ATP8B4: variants seen among roughly 807,000 people sequenced by gnomAD.
The protein encoded by ATP8B4 is ATPase phospholipid transporting 8B4 (putative).
In ATP8B4, 133 loss-of-function variants were observed where a neutral mutation model predicts 145.6. The ratio of observed to expected loss-of-function variants is 0.91; its 90% CI spans 0.79 to 1.05. The LOEUF (loss-of-function observed/expected upper bound fraction) is 1.05. Ranked by LOEUF, ATP8B4 falls within the 50% of genes least tolerant of loss-of-function variation. The pLI is 0.00. For missense variants in ATP8B4, 1,458 were observed against 1,425.2 expected (o/e 1.02, Z -0.37); for synonymous variants, 507 against 492.9 (o/e 1.03, Z -0.38).
At chr15:49,931,406 G>T in intron 15 of ATP8B4, 99 bp from the exon 16 acceptor site, 1 of 1,146,964 alleles carries the variant, frequency 8.7e-7, no homozygotes, top group Non-Finnish European at 1.2e-6. Flanking sequence ...CCCAACTCAA[G>T]CATCAGGTCT....
At chr15:50,109,411 T>C (rs1443239072) in intron 1 of ATP8B4, among the ~76,000 whole-genome samples, 1 of 152,138 alleles carries the variant, frequency 6.6e-6, no homozygotes, top group Non-Finnish European at 1.5e-5. Flanking sequence ...GTTTCACGAA[T>C]AGTCATAGCA....
chr15:49,914,605 A>T (rs146900353), intron 20 of ATP8B4, among the ~76,000 whole-genome samples: 242 of 152,278 alleles, frequency 1.6e-3, no homozygotes, highest in African/African-American at 5.7e-3. Flanking sequence ...TCTGGAATAT[A>T]CAAGGAACTC....
intron 21 of ATP8B4, among the ~76,000 whole-genome samples, chr15:49,899,803 C>T (rs1027004833): frequency 2.0e-5 from 3 of 151,880 alleles, no homozygotes; most frequent in Admixed American, 6.6e-5. Flanking sequence ...CTAGCAAAAA[C>T]ATAGTCAAGT....
chr15:50,090,997 A>G (rs142213635), intron 2 of ATP8B4, among the ~76,000 whole-genome samples: 2,771 of 152,300 alleles, frequency 0.018, 34 homozygotes, highest in Non-Finnish European at 0.029. Context: ...TATAGAAAAT[A>G]TCATATTTGG....
chr15:49,984,687 C>T (rs533408949), intron 10 of ATP8B4, among the ~76,000 whole-genome samples: 7 of 152,050 alleles, frequency 4.6e-5, no homozygotes, highest in South Asian at 4.2e-4. Flanking sequence ...CTAGGGATCC[C>T]CGAGACAAAG....
At chr15:50,051,635 G>A (rs1258618784) in intron 3 of ATP8B4, among the ~76,000 whole-genome samples, 1 of 152,190 alleles carries the variant, frequency 6.6e-6, no homozygotes, top group African/African-American at 2.4e-5. Flanking sequence ...AGGATTTGGA[G>A]AAAAGAATGG....
rs141186162 is a variant in ATP8B4, at chr15:50,017,517, T to C, written c.363-6600A>G. Reference sequence around the variant, plus strand: ...AAAAAACAAATACCCCAAAAGAAGATAGTTTCCAATGGAAAAGAAAACCTG... The same window carrying C: ...AAAAAACAAATACCCCAAAAGAAGACAGTTTCCAATGGAAAAGAAAACCTG... On this transcript the variant is annotated intron_variant, in intron 6 of 27. Transcript: ENST00000284509. Among the ~76,000 whole-genome samples the C allele has an allele frequency of 3.1e-4, 47 of 152,294 alleles. No homozygotes were observed. In the East Asian group the frequency reaches 7.5e-3, roughly 24 times the overall value.
chr15:49,914,443 T>C (rs1389820268), intron 20 of ATP8B4, among the ~76,000 whole-genome samples: 2 of 152,018 alleles, frequency 1.3e-5, no homozygotes, highest in African/African-American at 4.8e-5. Context: ...GGCTAAGACC[T>C]CAAAAGCACA....
intron 20 of ATP8B4, chr15:49,902,374 T>C (rs2038132589): frequency 6.6e-6 from 1 of 152,216 alleles, no homozygotes; most frequent in Non-Finnish European, 1.5e-5. Context: ...AAACAACTGT[T>C]TTAGCCCTCA....
At chr15:50,130,885 TGA>T (rs1394575195) in intron 1 of ATP8B4, among the ~76,000 whole-genome samples, 1 of 152,236 alleles carries the variant, frequency 6.6e-6, no homozygotes, top group African/African-American at 2.4e-5. Context: ...ATTTTCATAC[TGA>T]TATAAAGAAC....
At chr15:49,879,599 C>T (rs973174688) in intron 23 of ATP8B4, 140 bp from the exon 24 acceptor site, 35 of 689,300 alleles carry the variant, frequency 5.1e-5, no homozygotes, top group Non-Finnish European at 7.5e-5. Flanking sequence ...CTTTCCTAGA[C>T]CTGCCTCTTA....
chr15:50,152,769 A>G (rs1019374405), intron 1 of ATP8B4, among the ~76,000 whole-genome samples: 1 of 152,238 alleles, frequency 6.6e-6, no homozygotes, highest in African/African-American at 2.4e-5. Context: ...AGAAAGTTAC[A>G]TGGATTTTTA....
At chr15:49,877,506 T>C (rs181640108) in intron 24 of ATP8B4, among the ~76,000 whole-genome samples, 1 of 152,282 alleles carries the variant, frequency 6.6e-6, no homozygotes, top group Admixed American at 6.5e-5. Context: ...CAGAGTCCCA[T>C]GGAAAAACAC....
chr15:50,092,706 C>T (rs2055690740), intron 2 of ATP8B4, among the ~76,000 whole-genome samples: 1 of 151,748 alleles, frequency 6.6e-6, no homozygotes, highest in Admixed American at 6.6e-5. Flanking sequence ...CAGAAAAGAG[C>T]ATAAAAAGAT....
intron 2 of ATP8B4, among the ~76,000 whole-genome samples, chr15:50,100,940 T>C (rs2056317148): frequency 6.6e-6 from 1 of 152,224 alleles, no homozygotes; most frequent in Admixed American, 6.5e-5. Context: ...AAAACAATTA[T>C]GTACACAGTA....
intron 9 of ATP8B4, among the ~76,000 whole-genome samples, chr15:49,989,654 G>C (rs2046898776): frequency 1.3e-5 from 2 of 152,034 alleles, no homozygotes; most frequent in South Asian, 4.2e-4. Flanking sequence ...GTTCTTGGAG[G>C]CTAAGCCCCA....
At position 49,958,255 on chromosome 15, in the gene ATP8B4, T is replaced by C. The variant is rs181215916; in HGVS notation, c.1287+3722A>G. 1.4e-3 allele frequency among the ~76,000 whole-genome samples: 209 copies of C among 151,478 alleles called. 3 individuals are homozygous for C. Among genetic ancestry groups the C allele is most frequent in the Admixed American group, 1.8e-3 (28 of 15,248 alleles). On this transcript the variant is annotated intron_variant, in intron 14 of 27. Coordinates refer to ENST00000284509, the MANE Select transcript of ATP8B4 (RefSeq NM_024837.4). ...TTAATAAACTACATGCCAAAATATA[T>C]GTAATAAAACTAAAGCAGTGTTCAG... is the stretch of plus-strand genomic sequence containing the variant.
chr15:49,887,182 A>T (rs1481426259), intron 23 of ATP8B4, among the ~76,000 whole-genome samples: 1 of 151,946 alleles, frequency 6.6e-6, no homozygotes, highest in Non-Finnish European at 1.5e-5. Flanking sequence ...TCAAATAGTT[A>T]TTCTAGTAAA....
At chr15:50,062,202 T>C (rs898936798) in intron 3 of ATP8B4, among the ~76,000 whole-genome samples, 2 of 152,132 alleles carry the variant, frequency 1.3e-5, no homozygotes, top group African/African-American at 2.4e-5. Flanking sequence ...TGGGAGGTGA[T>C]TGGATCATGA....
Sources: allele counts gnomAD v4.1 joint callset (sites outside exome capture counted in the v4.1 genomes callset), GRCh38; gene constraint gnomAD v4.1.1; transcripts MANE v1.5; gene names NCBI Gene and HGNC (gene_info 2026-07-23, HGNC 2026-07-21).